The following NBEA variants were observed in gnomAD, a reference collection of about 807,000 sequenced individuals.
NBEA encodes neurobeachin.
A neutral mutation model predicts 343.4 loss-of-function variants in NBEA; 44 were observed. The observed-to-expected ratio is 0.13, with a 90% confidence interval of 0.10 to 0.16. The LOEUF is 0.16. NBEA is among the 10% of genes least tolerant of loss of function. NBEA has a pLI of 1.00. For synonymous variants in NBEA, 1,175 were observed against 1,238.7 expected (o/e 0.95, Z 1.08); for missense variants, 2,555 against 3,631.3 (o/e 0.70, Z 7.62).
chr13:35,191,466 C>T (rs761352801), intron 30 of NBEA, among the ~76,000 whole-genome samples: 1 of 152,020 alleles, frequency 6.6e-6, no homozygotes, highest in Non-Finnish European at 1.5e-5. Flanking sequence ...TTTTCATACA[C>T]TTAGTGTAGC....
chr13:34,954,167 G>GT (rs1388909549), intron 1 of NBEA, among the ~76,000 whole-genome samples: 1 of 152,166 alleles, frequency 6.6e-6, no homozygotes, highest in African/African-American at 2.4e-5. Context: ...AAAGTATACA[G>GT]GAGGGTGTGC....
chr13:35,458,898 A>G (rs2046738155), intron 40 of NBEA, among the ~76,000 whole-genome samples: 1 of 152,048 alleles, frequency 6.6e-6, no homozygotes, highest in African/African-American at 2.4e-5. Context: ...TTTTTAAGTA[A>G]TTAGTACAGG....
chr13:35,539,840 C>T (rs911488456), intron 41 of NBEA, among the ~76,000 whole-genome samples: 40 of 135,656 alleles, frequency 2.9e-4, no homozygotes, highest in Admixed American at 5.9e-4. Context: ...GGCGTGAACC[C>T]GGGAGGCGGA....
intron 41 of NBEA, among the ~76,000 whole-genome samples, chr13:35,496,593 C>G (rs2152977015): frequency 7.0e-6 from 1 of 142,336 alleles, no homozygotes. Context: ...ATATTGTCAC[C>G]ACTGCACTCC....
intron 40 of NBEA, among the ~76,000 whole-genome samples, chr13:35,471,273 G>A (rs1261006475): frequency 1.3e-5 from 2 of 152,152 alleles, no homozygotes; most frequent in African/African-American, 4.8e-5. Flanking sequence ...TCCCGAGCCC[G>A]GCCCGGCGGG....
chr13:35,071,831 G>A (rs1444454628), intron 10 of NBEA, among the ~76,000 whole-genome samples: 1 of 151,888 alleles, frequency 6.6e-6, no homozygotes, highest in Non-Finnish European at 1.5e-5. Context: ...TATTATTTCT[G>A]TTTTGGGAAC....
At chr13:35,315,875 G>A (rs984838514) in intron 36 of NBEA, among the ~76,000 whole-genome samples, 1 of 151,900 alleles carries the variant, frequency 6.6e-6, no homozygotes, top group Non-Finnish European at 1.5e-5. Context: ...TGGTTTGCTT[G>A]AGTTTATTTC....
intron 49 of NBEA, among the ~76,000 whole-genome samples, chr13:35,641,624 TTGA>T (rs1469591750): frequency 6.6e-6 from 1 of 152,120 alleles, no homozygotes; most frequent in Admixed American, 6.6e-5. Context: ...TAAAAAATAA[TTGA>T]TGATAAACAT....
Position 35,070,637 on chromosome 13 carries a change from A to C in NBEA, c.1438-82A>C, listed in dbSNP as rs2063829277. The stretch of plus-strand genomic sequence containing the variant: ...ATGTCCAAGTATGTTATTTAATTCT[A>C]TTATAAAGGTATTTGGAACAAGGAA... On this transcript the variant is annotated intron_variant, in intron 9 of 58. Transcript: ENST00000379939. The C allele has an allele frequency of 1.4e-5, 17 of 1,254,856 alleles. No individual in the cohort carries two copies. The South Asian group carries it at 3.3e-4, about 24-fold the overall frequency. The allele number at this position is 1,254,856 out of a possible 1,614,324, so 77.7% of individuals were successfully genotyped here.
rs556602757 is a variant in NBEA, at chr13:35,307,785, G to A, written c.5839-1743G>A. 5.6e-4 allele frequency among the ~76,000 whole-genome samples: 85 copies of A among 152,078 alleles called. No homozygotes were observed. In the Middle Eastern group the frequency reaches 0.014, roughly 24 times the overall value. On this transcript the variant is annotated intron_variant, in intron 35 of 58. Transcript: ENST00000379939. ...TTCTGAGAAATGTATGTATTTTGTAGGATCCTGATTTCCAATAAATACAGA... is the reference window on the plus strand; with the variant it reads ...TTCTGAGAAATGTATGTATTTTGTAAGATCCTGATTTCCAATAAATACAGA...
At chr13:35,417,641 G>C (rs2044003895) in intron 38 of NBEA, among the ~76,000 whole-genome samples, 1 of 152,176 alleles carries the variant, frequency 6.6e-6, no homozygotes, top group Non-Finnish European at 1.5e-5. Context: ...TTGCTGAGGA[G>C]TGCTTTACTT....
intron 40 of NBEA, among the ~76,000 whole-genome samples, chr13:35,471,887 T>A (rs567878373): frequency 6.6e-6 from 1 of 151,962 alleles, no homozygotes; most frequent in Non-Finnish European, 1.5e-5. Context: ...ATTAGATTAA[T>A]CTTCCTGCAA....
chr13:35,398,996 T>C (rs1051568085), intron 38 of NBEA, among the ~76,000 whole-genome samples: 10 of 152,176 alleles, frequency 6.6e-5, no homozygotes, highest in Non-Finnish European at 1.5e-4. Flanking sequence ...TGATCTTAGC[T>C]AGATCATTAT....
intron 34 of NBEA, among the ~76,000 whole-genome samples, chr13:35,258,925 G>C (rs948971396): frequency 6.6e-6 from 1 of 152,098 alleles, no homozygotes; most frequent in Non-Finnish European, 1.5e-5. Flanking sequence ...CCCCAAATAG[G>C]GTAATATAAG....
At chr13:35,055,005 C>G (rs1026007214) in intron 6 of NBEA, among the ~76,000 whole-genome samples, 2 of 151,814 alleles carry the variant, frequency 1.3e-5, no homozygotes, top group Admixed American at 1.3e-4. Flanking sequence ...TTTTAGATAC[C>G]TTGAAATAAC....
intron 1 of NBEA, among the ~76,000 whole-genome samples, chr13:35,006,959 C>CTT (rs2152529397): frequency 6.6e-6 from 1 of 152,292 alleles, no homozygotes; most frequent in East Asian, 1.9e-4. Flanking sequence ...TGTCATCTGA[C>CTT]TTCTGTTATT....
chr13:34,998,534 T>C (rs1472364052), intron 1 of NBEA, among the ~76,000 whole-genome samples: 3 of 152,280 alleles, frequency 2.0e-5, no homozygotes, highest in Non-Finnish European at 2.9e-5. Context: ...GCGGCCATTT[T>C]AGAGGCCTCC....
At chr13:35,517,835 C>T (rs2077544457) in intron 41 of NBEA, among the ~76,000 whole-genome samples, 1 of 152,114 alleles carries the variant, frequency 6.6e-6, no homozygotes, top group South Asian at 2.1e-4. Context: ...ACCATTGTAT[C>T]TTATACACAT....
At chr13:35,058,676 A>G (rs1045000456) in intron 7 of NBEA, 41 bp from the exon 8 acceptor site, 10 of 1,501,072 alleles carry the variant, frequency 6.7e-6, no homozygotes, top group African/African-American at 5.6e-5. Flanking sequence ...CCTTTTTGTC[A>G]TTAAAAATAA....
Sources: allele counts gnomAD v4.1 joint callset (sites outside exome capture counted in the v4.1 genomes callset), GRCh38; gene constraint gnomAD v4.1.1; transcripts MANE v1.5; gene names NCBI Gene and HGNC (gene_info 2026-07-23, HGNC 2026-07-21).